Variants in MAGI1 observed in about 807,000 individuals in gnomAD.
The protein encoded by MAGI1 is membrane associated guanylate kinase, WW and PDZ domain containing 1.
MAGI1 carries 58 observed loss-of-function variants against 139.9 expected under a neutral mutation model. The observed-to-expected ratio is 0.41, with a 90% CI of 0.34 to 0.52. The LOEUF (loss-of-function observed/expected upper bound fraction) is 0.52, where lower values mean the gene tolerates loss of function less well. Ranked by LOEUF, MAGI1 falls within the 20% of genes least tolerant of loss-of-function variation. MAGI1 has a pLI of 0.12. For missense variants in MAGI1, 1,874 were observed against 1,901.6 expected (o/e 0.99, Z 0.27); for synonymous variants, 812 against 737.9 (o/e 1.10, Z -1.63).
intron 1 of MAGI1, among the ~76,000 whole-genome samples, chr3:65,767,397 G>A (rs2037575247): frequency 6.6e-6 from 1 of 151,724 alleles, no homozygotes; most frequent in African/African-American, 2.4e-5. Context: ...TAGAGGCCAG[G>A]AGTTCGAGAC....
At chr3:66,024,699 G>T (rs940780996) in intron 1 of MAGI1, among the ~76,000 whole-genome samples, 1 of 152,072 alleles carries the variant, frequency 6.6e-6, no homozygotes, top group Non-Finnish European at 1.5e-5. Context: ...CCAGCTACTC[G>T]GGAGGCTGAA....
intron 2 of MAGI1, among the ~76,000 whole-genome samples, chr3:65,576,500 G>A (rs1030927058): frequency 7.9e-5 from 12 of 152,084 alleles, no homozygotes; most frequent in African/African-American, 2.9e-4. Context: ...GCCATCCAGG[G>A]GTCTTGTTGA....
intron 17 of MAGI1, 45 bp from the exon 18 acceptor site, chr3:65,375,990 T>C (rs1400173291): frequency 6.9e-7 from 1 of 1,440,872 alleles, no homozygotes; most frequent in East Asian, 2.3e-5. Context: ...TACGTGGGAA[T>C]ATAGCAAAGG....
chr3:65,968,158 T>C (rs1036576240), intron 1 of MAGI1, among the ~76,000 whole-genome samples: 5 of 152,182 alleles, frequency 3.3e-5, no homozygotes, highest in African/African-American at 7.2e-5. Context: ...TCTTATACAG[T>C]TGGCAAAAGT....
Position 65,379,294 on chromosome 3 carries a change from A to AGGACAC in MAGI1, c.2956_2961dup (p.Val986_Ser987dup), listed in dbSNP as rs772909693. 6.2e-7 allele frequency: 1 copy of AGGACAC among 1,613,246 alleles called. No individual in the cohort carries two copies. The highest frequency in any genetic ancestry group is 1.1e-5 in the South Asian group (1 of 90,860). On this transcript the variant is annotated inframe_insertion, in exon 17 of 23. Coordinates refer to ENST00000402939, the MANE Select transcript of MAGI1 (RefSeq NM_001033057.2). ...GTGCCTGCTTCGGGCCTGCTCACCG[A>AGGACAC]GGACACGATGACGAAGCCGAAGCCC...
At position 65,356,986 on chromosome 3, in the gene MAGI1, C is replaced by T. The variant is rs1260486963; in HGVS notation, c.3781G>A (p.Ala1261Thr). Residue 1261 changes from alanine to threonine, a missense_variant, in exon 23 of 23, where the codon GCA (alanine) becomes ACA (threonine). Ala to Thr is a moderately conservative substitution (Grantham distance 58). This residue lies in a region of MAGI1 where 653 missense variants were observed against 644.5 expected (regional missense o/e 1.01). Transcript: ENST00000402939. ...CTGCCTTTCGGATCCCTTGCGTGTG[C>T]CCGCTTTTCCCCATGTGGTGATGAT... ...HKSSPHGEKRAHARDPKGSRE... is the reference protein window; with the variant it reads ...HKSSPHGEKRTHARDPKGSRE... The T allele has an allele frequency of 6.2e-7, 1 of 1,614,156 alleles. No individual in the cohort carries two copies. Among genetic ancestry groups the T allele is most frequent in the Non-Finnish European group, 8.5e-7 (1 of 1,180,022 alleles).
intron 1 of MAGI1, among the ~76,000 whole-genome samples, chr3:65,916,181 C>T (rs920687414): frequency 6.6e-6 from 1 of 152,124 alleles, no homozygotes; most frequent in African/African-American, 2.4e-5. Context: ...ATTCTCATGC[C>T]TAAACCTCCC....
At chr3:66,034,510 G>A (rs140717489) in intron 1 of MAGI1, among the ~76,000 whole-genome samples, 9 of 152,260 alleles carry the variant, frequency 5.9e-5, no homozygotes, top group East Asian at 5.8e-4. Flanking sequence ...ACATACTAGC[G>A]ACATCTTATA....
chr3:65,874,328 G>C (rs77790964), intron 1 of MAGI1: 1 of 152,148 alleles, frequency 6.6e-6, no homozygotes, highest in African/African-American at 2.4e-5. Flanking sequence ...TTTTAAGAAC[G>C]TGTAGATGAC....
intron 4 of MAGI1, 67 bp downstream of exon 4, chr3:65,478,525 T>A: frequency 6.8e-7 from 1 of 1,478,334 alleles, no homozygotes; most frequent in Non-Finnish European, 9.4e-7. Context: ...TTTTCAAAAC[T>A]CTATGCAAAA....
At chr3:65,403,360 A>G (rs573636444) in intron 12 of MAGI1, among the ~76,000 whole-genome samples, 54 of 152,324 alleles carry the variant, frequency 3.5e-4, no homozygotes, top group Non-Finnish European at 6.2e-4. Context: ...ATTATAGGAG[A>G]AAATATTTTA....
At chr3:65,365,768 G>C (rs1460872468) in intron 18 of MAGI1, among the ~76,000 whole-genome samples, 3 of 152,160 alleles carry the variant, frequency 2.0e-5, no homozygotes, top group Non-Finnish European at 4.4e-5. Flanking sequence ...GAAGTTACCA[G>C]GAGACCTATG....
At chr3:65,823,029 G>C (rs2042031872) in intron 1 of MAGI1, among the ~76,000 whole-genome samples, 1 of 152,158 alleles carries the variant, frequency 6.6e-6, no homozygotes, top group Non-Finnish European at 1.5e-5. Flanking sequence ...AAAATATTTT[G>C]CAACATTTGG....
intron 3 of MAGI1, among the ~76,000 whole-genome samples, chr3:65,490,442 T>C (rs1359768279): frequency 6.6e-6 from 1 of 152,174 alleles, no homozygotes; most frequent in Non-Finnish European, 1.5e-5. Context: ...GTTCTCTAAA[T>C]GTCTTTCCAG....
At chr3:65,414,145 A>C (rs1457098057) in intron 12 of MAGI1, among the ~76,000 whole-genome samples, 6 of 152,210 alleles carry the variant, frequency 3.9e-5, no homozygotes, top group African/African-American at 1.4e-4. Flanking sequence ...TCTTAATGCA[A>C]GCAAACACAA....
chr3:65,814,247 T>C (rs2041462371), intron 1 of MAGI1, among the ~76,000 whole-genome samples: 1 of 152,046 alleles, frequency 6.6e-6, no homozygotes, highest in African/African-American at 2.4e-5. Flanking sequence ...TTCATCTACA[T>C]AAAACAGTCA....
chr3:65,438,826 T>A (rs73131604), intron 9 of MAGI1, among the ~76,000 whole-genome samples: 1 of 152,214 alleles, frequency 6.6e-6, no homozygotes, highest in Non-Finnish European at 1.5e-5. Context: ...GCTACACCTA[T>A]TCATTTACAT....
intron 14 of MAGI1, among the ~76,000 whole-genome samples, chr3:65,387,642 C>T (rs567927050): frequency 2.0e-5 from 3 of 152,298 alleles, no homozygotes; most frequent in East Asian, 3.9e-4. Context: ...GGATGAAATT[C>T]ATTCTTGTAC....
intron 1 of MAGI1, among the ~76,000 whole-genome samples, chr3:65,780,285 A>G (rs1340692925): frequency 6.6e-6 from 1 of 152,094 alleles, no homozygotes; most frequent in East Asian, 1.9e-4. Context: ...CAATCTCCCA[A>G]AGTGCTGGGA....
Sources: gnomAD v4.1 joint callset for allele counts (sites outside exome capture counted in the v4.1 genomes callset) on GRCh38, gnomAD v4.1.1 for gene constraint, gnomAD v4.1.1 regional missense constraint, MANE v1.5 for transcripts, NCBI Gene and HGNC (gene_info 2026-07-23, HGNC 2026-07-21) for gene names.